The following LRRC37A variants were observed in gnomAD, a reference collection of about 807,000 sequenced individuals.
LRRC37A encodes leucine rich repeat containing 37A, also known as leucine-rich repeat-containing protein 37A.
Under a neutral mutation model 35.4 loss-of-function variants are expected in LRRC37A, and 3 were observed. That is an observed-to-expected ratio of 0.08 (90% CI 0.04 to 0.22). LRRC37A has a LOEUF of 0.22. LRRC37A is among the 10% of genes least tolerant of loss of function. LRRC37A has a pLI of 1.00. For synonymous variants in LRRC37A, 23 were observed against 215.0 expected, an observed-to-expected ratio of 0.11 and a Z score of 7.81; for missense variants, 67 against 565.3, an observed-to-expected ratio of 0.12 and a Z score of 8.94.
At chr17:46,272,385 A>G in the LRRC37A span, among the ~76,000 whole-genome samples, 1 of 152,232 alleles carries the variant, frequency 6.6e-6, no homozygotes, top group Non-Finnish European at 1.5e-5. Flanking sequence ...TTCAGAACTC[A>G]TTATGTTCTA....
At chr17:46,260,196 A>C in the LRRC37A span, 1 of 1,522,620 alleles carries the variant, frequency 6.6e-7, no homozygotes, top group Non-Finnish European at 8.8e-7. Context: ...GCAGGCAGTC[A>C]ACGCTCAGCT....
At chr17:46,286,881 AT>A in the LRRC37A span, among the ~76,000 whole-genome samples, 1 of 152,346 alleles carries the variant, frequency 6.6e-6, no homozygotes, top group South Asian at 2.1e-4. Flanking sequence ...AGATGTACAC[AT>A]CCATTTTCTT....
At chr17:46,253,744 G>A in the LRRC37A span, among the ~76,000 whole-genome samples, 1 of 146,890 alleles carries the variant, frequency 6.8e-6, no homozygotes, top group Admixed American at 6.8e-5. Context: ...GAGGGAGAGG[G>A]AGACCGTGGG....
the LRRC37A span, among the ~76,000 whole-genome samples, chr17:46,253,174 C>G: frequency 3.3e-4 from 49 of 148,332 alleles, 1 homozygote; most frequent in Non-Finnish European, 2.4e-4. Context: ...CAGAGGCGCT[C>G]CTCACATCCC....
upstream of LRRC37A, among the ~76,000 whole-genome samples, chr17:46,288,585 A>G (rs1182996413): frequency 6.6e-6 from 1 of 151,676 alleles, no homozygotes; most frequent in Non-Finnish European, 1.5e-5. Context: ...GGTGTGAGCC[A>G]CAGGGCCCAG....
the LRRC37A span, among the ~76,000 whole-genome samples, chr17:46,286,314 C>A: frequency 5.9e-5 from 9 of 152,230 alleles, no homozygotes; most frequent in East Asian, 1.4e-3. Context: ...TTTGGAGAAC[C>A]AATTTAAAGA....
rs759114190 is a variant in LRRC37A at position 46,330,985 on chromosome 17, G to A, written c.3708G>A (p.Ser1236=). 2.1e-5 allele frequency: 15 copies of A among 723,152 alleles called. 2 individuals are homozygous for A. Among genetic ancestry groups the A allele is most frequent in the East Asian group, 1.0e-4 (4 of 38,470 alleles). The allele number at this position is 723,152 out of a possible 1,614,324, so 44.8% of individuals were successfully genotyped here. The stretch of plus-strand genomic sequence containing the variant: ...GAAACGCCGTCTACACCAAGCCTTC[G>A]TTCACCCAAGAGCATAAGGCAGCAG... The change falls in exon 9 of 14, where the codon TCG becomes TCA. Residue 1236 remains serine (S), a synonymous_variant. Coordinates refer to ENST00000320254, the Ensembl canonical transcript of LRRC37A.
At chr17:46,279,490 TTC>T in the LRRC37A span, among the ~76,000 whole-genome samples, 2 of 140,128 alleles carry the variant, frequency 1.4e-5, no homozygotes, top group African/African-American at 5.4e-5. Flanking sequence ...GGCCTTTTTT[TTC>T]TTTCTTTCTT....
At chr17:46,280,586 T>C in the LRRC37A span, among the ~76,000 whole-genome samples, 2 of 148,458 alleles carry the variant, frequency 1.3e-5, no homozygotes, top group East Asian at 4.0e-4. Flanking sequence ...TTTTTTTTTT[T>C]TTTCCTGAGC....
the LRRC37A span, among the ~76,000 whole-genome samples, chr17:46,263,854 CAAAAAAAAAAAA>C: frequency 1.0e-5 from 1 of 96,252 alleles, no homozygotes; most frequent in Non-Finnish European, 2.1e-5. Context: ...GACTCTGTCT[CAAAAAAAAAAAA>C]AAAAAAAAGA....
At chr17:46,260,244 G>A in the LRRC37A span, 2 of 1,529,864 alleles carry the variant, frequency 1.3e-6, no homozygotes, top group Non-Finnish European at 8.8e-7. Flanking sequence ...GCAGCGGGCA[G>A]GACGGCCGCA....
Position 46,327,079 on chromosome 17 carries a change from T to C in LRRC37A, c.3054-1313T>C, listed in dbSNP as rs166651. 4.6e-4 allele frequency among the ~76,000 whole-genome samples: 40 copies of C among 86,626 alleles called. 5 individuals carry two copies. Among genetic ancestry groups the C allele is most frequent in the Admixed American group, 1.5e-3 (13 of 8,634 alleles). 56.8% of individuals were successfully genotyped at this position (86,626 alleles called of 152,430 possible). A position where few individuals can be genotyped will look rare whatever the true frequency, so the allele number is the denominator to read the frequency against. On this transcript the variant is annotated intron_variant, in intron 7 of 13. Transcript: ENST00000320254. ...CTACTTTCTTTGATCTTCCATGACA[T>C]TGGCATTTTTTAAGAGTCAAAGATA...
At chr17:46,250,973 G>T in the LRRC37A span, among the ~76,000 whole-genome samples, 42 of 152,142 alleles carry the variant, frequency 2.8e-4, no homozygotes, top group South Asian at 8.3e-4. Flanking sequence ...GCCAAGGCTG[G>T]ATTGTAGTGG....
the LRRC37A span, among the ~76,000 whole-genome samples, chr17:46,268,221 G>T: frequency 6.6e-6 from 1 of 152,180 alleles, no homozygotes; most frequent in African/African-American, 2.4e-5. Context: ...GTTTCACCAT[G>T]TTGGCTAGGC....
At chr17:46,267,052 C>T in the LRRC37A span, 357 of 258,532 alleles carry the variant, frequency 1.4e-3, no homozygotes, top group Non-Finnish European at 1.9e-3. Context: ...GATTCGGCCT[C>T]AGTCAGCCGC....
the LRRC37A span, among the ~76,000 whole-genome samples, chr17:46,274,178 G>A: frequency 3.3e-5 from 5 of 152,204 alleles, no homozygotes; most frequent in African/African-American, 1.2e-4. Context: ...CACATTCAAA[G>A]ACACCTCTGT....
the LRRC37A span, among the ~76,000 whole-genome samples, chr17:46,271,784 CAG>C: frequency 0.12 from 18,473 of 151,932 alleles, 1 homozygote; most frequent in Non-Finnish European, 0.18. Context: ...TTTTTTGAGA[CAG>C]AGTCTTGCTG....
At chr17:46,249,342 C>G in the LRRC37A span, among the ~76,000 whole-genome samples, 1 of 152,166 alleles carries the variant, frequency 6.6e-6, no homozygotes, top group Non-Finnish European at 1.5e-5. Context: ...TGCAGAGTCT[C>G]CTTTACACTT....
chr17:46,285,531 G>A, the LRRC37A span, among the ~76,000 whole-genome samples: 2 of 152,148 alleles, frequency 1.3e-5, no homozygotes, highest in Non-Finnish European at 2.9e-5. Context: ...GTGAGCCCCC[G>A]TACCCAGCCA....
Sources: allele counts gnomAD v4.1 joint callset (sites outside exome capture counted in the v4.1 genomes callset), GRCh38; gene constraint gnomAD v4.1.1; transcripts MANE v1.5; gene names NCBI Gene and HGNC (gene_info 2026-07-23, HGNC 2026-07-21).